Variants in CLPB observed in about 807,000 individuals in gnomAD.
CLPB encodes ClpB family mitochondrial disaggregase.
A neutral mutation model predicts 78.4 loss-of-function variants in CLPB; 40 were observed. The observed-to-expected ratio is 0.51, with a 90% confidence interval of 0.40 to 0.66. The LOEUF is 0.66. CLPB is among the 30% of genes least tolerant of loss of function. CLPB has a pLI of 0.00. For missense variants in CLPB, 780 were observed against 886.9 expected, an observed-to-expected ratio of 0.88 and a Z score of 1.53; for synonymous variants, 333 against 348.0, an observed-to-expected ratio of 0.96 and a Z score of 0.48.
chr11:72,299,097 T>C (rs2135494701), intron 11 of CLPB, among the ~76,000 whole-genome samples: 1 of 152,328 alleles, frequency 6.6e-6, no homozygotes, highest in East Asian at 1.9e-4. Context: ...CTCACCTTCC[T>C]CTTCAATCTG....
intron 2 of CLPB, among the ~76,000 whole-genome samples, chr11:72,425,502 T>C (rs1856347928): frequency 6.6e-6 from 1 of 152,170 alleles, no homozygotes; most frequent in South Asian, 2.1e-4. Flanking sequence ...CTCATGTCCT[T>C]CTTCCTCACC....
rs1414331795 is a variant in CLPB, at chr11:72,305,643, C to T, written c.1122+1556G>A. 3.3e-5 allele frequency among the ~76,000 whole-genome samples: 5 copies of T among 152,330 alleles called. No homozygotes were observed. The East Asian group carries it at 9.6e-4, about 29-fold the overall frequency. ...GAGCTCTGTCCACCACAGTGCACTG[C>T]CTCCGAGGGTGGTGGTGTTACTTCC... On this transcript the variant is annotated intron_variant, in intron 9 of 15. Transcript: ENST00000538039.
At chr11:72,415,677 C>A (rs1488047947) in intron 2 of CLPB, among the ~76,000 whole-genome samples, 1 of 152,132 alleles carries the variant, frequency 6.6e-6, no homozygotes, top group African/African-American at 2.4e-5. Flanking sequence ...GCAAACAAAT[C>A]CAATCAAAGG....
chr11:72,303,500 G>A (rs1448161592), intron 9 of CLPB, among the ~76,000 whole-genome samples: 1 of 152,196 alleles, frequency 6.6e-6, no homozygotes, highest in Non-Finnish European at 1.5e-5. Context: ...CCTGCCTGTG[G>A]AGCCTTGGAC....
chr11:72,339,183 T>C (rs142809572), intron 5 of CLPB, among the ~76,000 whole-genome samples: 7 of 152,156 alleles, frequency 4.6e-5, no homozygotes, highest in Non-Finnish European at 5.9e-5. Context: ...AGATGGAAGA[T>C]TGACATTAAG....
chr11:72,419,536 T>C lies in CLPB; in HGVS notation c.455+10776A>G, dbSNP rs555586302. ...TAAAAATAAAGACAAAGCTTCTTCA[T>C]GTGGCCTCTGATGCCCTGTAGGGTC... On this transcript the variant is annotated intron_variant, in intron 2 of 15. Transcript: ENST00000538039. Among the ~76,000 whole-genome samples the C allele has an allele frequency of 9.5e-4, 144 of 152,342 alleles. 1 individual carries two copies. Among genetic ancestry groups the C allele is most frequent in the African/African-American group, 3.2e-3 (135 of 41,580 alleles).
At chr11:72,391,825 A>T (rs1855262332) in intron 3 of CLPB, among the ~76,000 whole-genome samples, 1 of 152,166 alleles carries the variant, frequency 6.6e-6, no homozygotes, top group Non-Finnish European at 1.5e-5. Flanking sequence ...GCCACAGCCA[A>T]ATTAATTTGC....
chr11:72,391,169 T>C (rs1343965480), intron 3 of CLPB, among the ~76,000 whole-genome samples: 2 of 152,154 alleles, frequency 1.3e-5, no homozygotes, highest in African/African-American at 4.8e-5. Flanking sequence ...TCTTGGGGGC[T>C]GAAATATTAA....
intron 4 of CLPB, among the ~76,000 whole-genome samples, chr11:72,379,302 C>T (rs1590869912): frequency 6.6e-6 from 1 of 152,198 alleles, no homozygotes; most frequent in Admixed American, 6.5e-5. Flanking sequence ...GCAGCCACTG[C>T]TCAGCCACCC....
At chr11:72,432,543 G>A (rs1490128005) in intron 1 of CLPB, among the ~76,000 whole-genome samples, 1 of 152,088 alleles carries the variant, frequency 6.6e-6, no homozygotes. Flanking sequence ...CCAACTGCCT[G>A]CACTGTCCCC....
intron 3 of CLPB, among the ~76,000 whole-genome samples, chr11:72,384,793 G>C (rs1197183227): frequency 1.3e-5 from 2 of 152,086 alleles, no homozygotes; most frequent in Admixed American, 6.5e-5. Context: ...TGTAAAAAGA[G>C]ACAAAGAAGG....
intron 2 of CLPB, among the ~76,000 whole-genome samples, chr11:72,409,062 C>T (rs1253663618): frequency 2.0e-5 from 3 of 152,172 alleles, no homozygotes; most frequent in African/African-American, 7.2e-5. Flanking sequence ...TCCATCATCC[C>T]TGAGATGATG....
chr11:72,299,353 TAA>T (rs1414869444), intron 11 of CLPB, among the ~76,000 whole-genome samples: 1 of 152,232 alleles, frequency 6.6e-6, no homozygotes, highest in Non-Finnish European at 1.5e-5. Flanking sequence ...CTTTCTTGCT[TAA>T]AGTCTTTAAA....
At chr11:72,315,378 G>A (rs1022997787) in intron 7 of CLPB, among the ~76,000 whole-genome samples, 2 of 152,228 alleles carry the variant, frequency 1.3e-5, no homozygotes, top group South Asian at 4.1e-4. Context: ...CCTCAGGATC[G>A]AGAGCAGCTC....
At chr11:72,346,764 G>C (rs1460844384) in intron 5 of CLPB, among the ~76,000 whole-genome samples, 2 of 151,754 alleles carry the variant, frequency 1.3e-5, no homozygotes, top group Non-Finnish European at 2.9e-5. Context: ...GATCACCTGA[G>C]GTCAGCAGTT....
At chr11:72,308,494 T>C in intron 8 of CLPB, 33 bp downstream of exon 8, 1 of 1,599,358 alleles carries the variant, frequency 6.3e-7, no homozygotes, top group Middle Eastern at 1.7e-4. Flanking sequence ...ACCCTAGCTC[T>C]CTGTCCCCAC....
intron 3 of CLPB, among the ~76,000 whole-genome samples, chr11:72,399,242 A>C (rs921524416): frequency 6.6e-6 from 1 of 151,964 alleles, no homozygotes; most frequent in Non-Finnish European, 1.5e-5. Flanking sequence ...TATAACAATC[A>C]ATTTCCAGAT....
At chr11:72,387,009 T>C (rs1454094284) in intron 3 of CLPB, among the ~76,000 whole-genome samples, 2 of 152,114 alleles carry the variant, frequency 1.3e-5, no homozygotes, top group African/African-American at 4.8e-5. Context: ...CAAAACAATG[T>C]CTGATAGAGA....
chr11:72,420,387 G>A (rs997423220), intron 2 of CLPB, among the ~76,000 whole-genome samples: 4 of 152,016 alleles, frequency 2.6e-5, no homozygotes, highest in South Asian at 2.1e-4. Context: ...CCAGCTACTC[G>A]GGAGGCTGAG....
Sources: allele counts gnomAD v4.1 joint callset (sites outside exome capture counted in the v4.1 genomes callset), GRCh38; gene constraint gnomAD v4.1.1; transcripts MANE v1.5; gene names NCBI Gene and HGNC (gene_info 2026-07-23, HGNC 2026-07-21).